The following RSPO1 variants were observed in gnomAD, a reference collection of about 807,000 sequenced individuals.
RSPO1 encodes R-spondin-1.
RSPO1 carries 18 observed loss-of-function variants against 26.0 expected under a neutral mutation model. The ratio of observed to expected loss-of-function variants is 0.69; its 90% CI spans 0.48 to 1.03. RSPO1 has a LOEUF of 1.03. Among genes scored for constraint, RSPO1 ranks in the 50% least tolerant of loss-of-function variants. RSPO1 has a pLI of 0.00. For missense variants in RSPO1, 309 were observed against 352.3 expected (o/e 0.88, Z 0.98); for synonymous variants, 133 against 137.4 (o/e 0.97, Z 0.22).
At chr1:37,619,872 C>T (rs1431167292) in intron 3 of RSPO1, among the ~76,000 whole-genome samples, 2 of 151,882 alleles carry the variant, frequency 1.3e-5, no homozygotes, top group East Asian at 1.9e-4. Context: ...CTCAGCCTCC[C>T]GAGTAGCTGG....
rs965646827 is a variant in RSPO1 at position 37,613,056 on chromosome 1, G to A, written c.626-135C>T. 41 of 952,644 alleles carry A rather than the reference G, an allele frequency of 4.3e-5. No individual in the cohort carries two copies. Among genetic ancestry groups the A allele is most frequent in the Non-Finnish European group, 5.4e-5 (33 of 612,608 alleles). 59.0% of individuals were successfully genotyped at this position (952,644 alleles called of 1,614,324 possible). A position where few individuals can be genotyped will look rare whatever the true frequency, so the allele number is the denominator to read the frequency against. On this transcript the variant is annotated intron_variant, in intron 6 of 6. Coordinates refer to ENST00000356545, the MANE Select transcript of RSPO1 (RefSeq NM_001242908.2). This position sits in a 1 kb window ranked among gnomAD's most constrained non-coding sequence, Gnocchi z 4.5. Reference sequence around the variant, plus strand: ...GAGGAGGCTGGAGATGCTGCCTCTAGGTAGTTGGGTCATCGTGACCTCCTC... The same window carrying A: ...GAGGAGGCTGGAGATGCTGCCTCTAAGTAGTTGGGTCATCGTGACCTCCTC...
At chr1:37,631,364 A>G (rs1248654330) in intron 2 of RSPO1, among the ~76,000 whole-genome samples, 1 of 152,122 alleles carries the variant, frequency 6.6e-6, no homozygotes, top group Non-Finnish European at 1.5e-5. Context: ...AATGCCCGTC[A>G]GCTGCCAACC....
intron 3 of RSPO1, among the ~76,000 whole-genome samples, chr1:37,624,305 C>T (rs1468662547): frequency 1.3e-5 from 2 of 152,186 alleles, no homozygotes; most frequent in East Asian, 1.9e-4. Context: ...CCTCCTGCTG[C>T]TGCCTGTTAT....
rs369139701 is a variant in RSPO1, at chr1:37,614,206, G to A, written c.414C>T (p.Gly138=). The change falls in exon 5 of 7, where the codon GGC becomes GGT. Residue 138 remains glycine, a synonymous_variant. Transcript: ENST00000356545. ...TACCAGGACTACTGCACTCCATGGT[G>A]CCATTGGCAGCTGAGGAGCCCTCGG... is the stretch of plus-strand genomic sequence containing the variant. The part of the protein sequence containing the change: ...ACPEGSSAAN[G]TMECSSPAQC... 6.2e-7 allele frequency: 1 copy of A among 1,613,132 alleles called. No individual in the cohort carries two copies. The highest frequency in any genetic ancestry group is 8.5e-7 in the Non-Finnish European group (1 of 1,180,000).
At position 37,620,185 on chromosome 1, in the gene RSPO1, C is replaced by T. The variant is rs765595857; in HGVS notation, c.95-3510G>A. On this transcript the variant is annotated intron_variant, in intron 3 of 6. Coordinates refer to ENST00000356545, the MANE Select transcript of RSPO1 (RefSeq NM_001242908.2). ...AGGACAATATGAGGTGGCATGGAAA[C>T]TAAAAGTGTGGTTAGACTATATATT... Among the ~76,000 whole-genome samples the T allele has an allele frequency of 9.7e-4, 147 of 152,162 alleles. 1 individual carries two copies. Among genetic ancestry groups the T allele is most frequent in the Non-Finnish European group, 1.9e-3 (129 of 68,020 alleles).
intron 3 of RSPO1, among the ~76,000 whole-genome samples, 156 bp from the exon 4 acceptor site, chr1:37,616,831 G>T (rs1644121731): frequency 6.6e-6 from 1 of 152,228 alleles, no homozygotes. Flanking sequence ...TCTCTGCAAG[G>T]CTGCTTTATA....
chr1:37,625,886 G>A (rs902035288), intron 3 of RSPO1, among the ~76,000 whole-genome samples: 1 of 152,084 alleles, frequency 6.6e-6, no homozygotes, highest in African/African-American at 2.4e-5. Flanking sequence ...GCCATGTTGG[G>A]CAGGCTGGTC....
chr1:37,630,915 C>T (rs75264646), intron 2 of RSPO1, among the ~76,000 whole-genome samples: 2,484 of 152,350 alleles, frequency 0.016, 89 homozygotes, highest in Admixed American at 0.079. Context: ...CCATCACCTT[C>T]CCCTCCAGTG....
rs997283687 is a variant in RSPO1, at chr1:37,613,930, A to T, written c.437-38T>A. 1 of 1,605,752 alleles carries T rather than the reference A, an allele frequency of 6.2e-7. No homozygotes were observed. ...GAAGGGAAGGGAGAGAAGGACAAGGAGGAGGGGATCATGTCTCCTCCTCTG... is the reference window on the plus strand; with the variant it reads ...GAAGGGAAGGGAGAGAAGGACAAGGTGGAGGGGATCATGTCTCCTCCTCTG... On this transcript the variant is annotated intron_variant, in intron 5 of 6. Coordinates refer to ENST00000356545, the MANE Select transcript of RSPO1 (RefSeq NM_001242908.2). This position sits in a 1 kb window ranked among gnomAD's most constrained non-coding sequence, Gnocchi z 4.5.
chr1:37,619,782 C>T (rs1486053032), intron 3 of RSPO1, among the ~76,000 whole-genome samples: 1 of 150,876 alleles, frequency 6.6e-6, no homozygotes, highest in Non-Finnish European at 1.5e-5. Context: ...CAGTCTCACT[C>T]AGTCACCCAG....
chr1:37,614,405 T>C, intron 4 of RSPO1, 72 bp from the exon 5 acceptor site: 1 of 1,560,674 alleles, frequency 6.4e-7, no homozygotes, highest in Non-Finnish European at 8.8e-7. Flanking sequence ...CCAGCCCCAA[T>C]ACCCTCCCTT....
Position 37,616,655 on chromosome 1 carries a change from C to T in RSPO1, c.115G>A (p.Ala39Thr), listed in dbSNP as rs201499112. The change falls in exon 4 of 7, where the codon GCC becomes ACC. Residue 39 changes from alanine (A) to threonine (T), a missense_variant. Ala to Thr is a moderately conservative substitution (Grantham distance 58). Transcript: ENST00000356545. ...QRRISAEGSQ[A>T]CAKGCELCSE... ...CAGAGCTCACAGCCTTTGGCACAGG[C>T]CTGGCTCCCCTCGGCACTGACTGCA... 1.5e-3 allele frequency: 2,485 copies of T among 1,614,036 alleles called. 3 individuals carry two copies. Among genetic ancestry groups the T allele is most frequent in the Non-Finnish European group, 1.9e-3 (2,231 of 1,180,030 alleles).
intron 4 of RSPO1, among the ~76,000 whole-genome samples, chr1:37,614,596 C>A (rs757423081): frequency 6.6e-6 from 1 of 152,186 alleles, no homozygotes; most frequent in African/African-American, 2.4e-5. Flanking sequence ...GATCATGAAC[C>A]CAGTCTCAGT....
chr1:37,630,357 A>AC (rs1325838448), intron 2 of RSPO1, among the ~76,000 whole-genome samples: 2 of 151,954 alleles, frequency 1.3e-5, no homozygotes, highest in African/African-American at 4.8e-5. Context: ...TGCATGAGTG[A>AC]CCCCTCAGCC....
intron 1 of RSPO1, among the ~76,000 whole-genome samples, chr1:37,633,691 T>G (rs1483552756): frequency 6.6e-6 from 1 of 152,140 alleles, no homozygotes; most frequent in Non-Finnish European, 1.5e-5. Context: ...TATGTGCCTG[T>G]CCGACCTGTC....
chr1:37,616,813 C>A, intron 3 of RSPO1, 138 bp from the exon 4 acceptor site: 1 of 833,742 alleles, frequency 1.2e-6, no homozygotes, highest in South Asian at 1.5e-5. Context: ...ACCGGCCAGG[C>A]TGGCAGCTCT....
Position 37,612,598 on chromosome 1 carries a change from CA to C in RSPO1, c.*156del. ...AAGTATGTATGGTTGTATATGTGGA[CA>C]GGGGTTTGAGCGTGTGTGTCTTGTG... On this transcript the variant is annotated 3_prime_UTR_variant, in exon 7 of 7. Transcript: ENST00000356545. 1 of 773,812 alleles carries C rather than the reference CA, an allele frequency of 1.3e-6. No homozygotes were observed. The highest frequency in any genetic ancestry group is 1.5e-5 in the South Asian group (1 of 65,828). The allele number at this position is 773,812 out of a possible 1,614,324, so 47.9% of individuals were successfully genotyped here.
intron 2 of RSPO1, among the ~76,000 whole-genome samples, chr1:37,631,172 C>T (rs771217259): frequency 2.6e-4 from 40 of 152,140 alleles, no homozygotes; most frequent in African/African-American, 5.8e-4. Context: ...CCCACCTGCA[C>T]GGGAGATAAA....
chr1:37,616,082 A>T (rs909732728), intron 4 of RSPO1, among the ~76,000 whole-genome samples: 1 of 152,156 alleles, frequency 6.6e-6, no homozygotes, highest in Non-Finnish European at 1.5e-5. Flanking sequence ...TGAAGGCTGG[A>T]GGACAGATGA....
Sources: allele counts gnomAD v4.1 joint callset (sites outside exome capture counted in the v4.1 genomes callset), GRCh38; gene constraint gnomAD v4.1.1; non-coding constraint Gnocchi (gnomAD v3.1); transcripts MANE v1.5; gene names NCBI Gene and HGNC (gene_info 2026-07-23, HGNC 2026-07-21).